Variants in ZBTB41 observed in about 807,000 individuals in gnomAD.
The protein encoded by ZBTB41 is zinc finger and BTB domain-containing protein 41.
Under a neutral mutation model 87.6 loss-of-function variants are expected in ZBTB41, and 42 were observed. The ratio of observed to expected loss-of-function variants is 0.48; its 90% CI spans 0.37 to 0.62. The LOEUF (loss-of-function observed/expected upper bound fraction) is 0.62. Ranked by LOEUF, ZBTB41 falls within the 20% of genes least tolerant of loss-of-function variation. The pLI, the probability that ZBTB41 is intolerant of heterozygous loss-of-function variation, is 0.00. For synonymous variants in ZBTB41, 364 were observed against 364.0 expected (o/e 1.00, Z 0.00); for missense variants, 799 against 1,078.9 (o/e 0.74, Z 3.63).
At chr1:197,168,652 A>G (rs1293005093) in intron 10 of ZBTB41, among the ~76,000 whole-genome samples, 1 of 152,124 alleles carries the variant, frequency 6.6e-6, no homozygotes, top group African/African-American at 2.4e-5. Flanking sequence ...GAAAGTTAAA[A>G]TAAATCTTCT....
chr1:197,197,581 G>GA (rs1289244463), intron 2 of ZBTB41, among the ~76,000 whole-genome samples: 2 of 136,148 alleles, frequency 1.5e-5, no homozygotes, highest in African/African-American at 2.6e-5. Context: ...GGGAGGGAGG[G>GA]AGCGAGGGAG....
chr1:197,172,115 C>T, intron 10 of ZBTB41, 45 bp downstream of exon 10: 1 of 756,700 alleles, frequency 1.3e-6, no homozygotes, highest in Non-Finnish European at 1.9e-6. Context: ...CTATATATAT[C>T]TCTCTCTATA....
chr1:197,176,349 G>C (rs1446455552), intron 8 of ZBTB41, among the ~76,000 whole-genome samples: 2 of 151,748 alleles, frequency 1.3e-5, no homozygotes, highest in African/African-American at 4.8e-5. Flanking sequence ...AGTCACAAAG[G>C]GTTACCAAAT....
In ZBTB41 at chr1:197,171,153, CCAT is replaced by C. The variant is rs1659466580; in HGVS notation, c.2074+1004_2074+1006del. 5.9e-5 allele frequency among the ~76,000 whole-genome samples: 9 copies of C among 152,198 alleles called. No individual in the cohort carries two copies. The South Asian group carries it at 1.9e-3, about 32-fold the overall frequency. ...TTGAAATTAACTTTCTGTAAGTTCA[CCAT>C]CTCTTTCAAGTCATGAGTTCTATTA... is the stretch of plus-strand genomic sequence containing the variant. On this transcript the variant is annotated intron_variant, in intron 10 of 10. Transcript: ENST00000367405.
At chr1:197,181,185 G>C in intron 5 of ZBTB41, 68 bp from the exon 6 acceptor site, 1 of 1,440,816 alleles carries the variant, frequency 6.9e-7, no homozygotes, top group Non-Finnish European at 9.2e-7. Context: ...AATTTAATAG[G>C]TATGCTGTAA....
intron 2 of ZBTB41, among the ~76,000 whole-genome samples, chr1:197,194,264 C>T (rs1660108111): frequency 6.6e-6 from 1 of 152,080 alleles, no homozygotes; most frequent in African/African-American, 2.4e-5. Flanking sequence ...GTGATCCGTC[C>T]ACCTCGGCCT....
Position 197,200,195 on chromosome 1 carries a change from TATG to T in ZBTB41, c.276_278del (p.Ile93del). 6.2e-7 allele frequency: 1 copy of T among 1,613,814 alleles called. No individual in the cohort carries two copies. The highest frequency in any genetic ancestry group is 8.5e-7 in the Non-Finnish European group (1 of 1,179,982). ...GTGCACTAAATTCTTTTCCTTCCAC[TATG>T]ATAAGTAAATCACAAAAAGATGGTT... is the stretch of plus-strand genomic sequence containing the variant. On this transcript the variant is annotated inframe_deletion, in exon 2 of 11. Transcript: ENST00000367405.
In ZBTB41 at chr1:197,154,488, T is replaced by G. The variant is rs1381119033; in HGVS notation, c.*4871A>C. ...CATACACAGCAAGTTGAAACATGAG[T>G]AAACAAAACATAAGCACTCTCTCTA... On this transcript the variant is annotated 3_prime_UTR_variant, in exon 11 of 11. Transcript: ENST00000367405. The G allele has an allele frequency of 6.6e-6, 1 of 152,000 alleles. No homozygotes were observed. The highest frequency in any genetic ancestry group is 1.5e-5 in the Non-Finnish European group (1 of 67,908). 9.4% of individuals were successfully genotyped at this position (152,000 alleles called of 1,614,324 possible). A position where few individuals can be genotyped will look rare whatever the true frequency, so the allele number is the denominator to read the frequency against.
At chr1:197,164,808 T>TATATAATACATATCTA in intron 10 of ZBTB41, among the ~76,000 whole-genome samples, 1 of 45,226 alleles carries the variant, frequency 2.2e-5, no homozygotes, top group African/African-American at 7.0e-5. Flanking sequence ...TAATATATTA[T>TATATAATACATATCTA]ATATATTATA....
intron 9 of ZBTB41, among the ~76,000 whole-genome samples, chr1:197,172,917 AAATG>A (rs983133406): frequency 7.9e-5 from 12 of 152,134 alleles, no homozygotes; most frequent in African/African-American, 2.9e-4. Flanking sequence ...CTAAATTTAA[AAATG>A]AAATATTAGT....
intron 7 of ZBTB41, among the ~76,000 whole-genome samples, chr1:197,177,474 C>T (rs1557980374): frequency 6.6e-6 from 1 of 152,020 alleles, no homozygotes; most frequent in Admixed American, 6.6e-5. Flanking sequence ...TGAAAACAGA[C>T]TAATAGAGCA....
chr1:197,195,883 T>C (rs1660150180), intron 2 of ZBTB41, among the ~76,000 whole-genome samples: 2 of 152,130 alleles, frequency 1.3e-5, no homozygotes, highest in South Asian at 4.1e-4. Context: ...TGCAAAGTAA[T>C]GGAATCAAAT....
rs1659070294 is a variant in ZBTB41, at chr1:197,156,405, ACTG to A, written c.*2951_*2953del. The A allele has an allele frequency of 6.6e-6, 1 of 152,248 alleles. No individual in the cohort carries two copies. The highest frequency in any genetic ancestry group is 6.6e-5 in the Admixed American group (1 of 15,230). 9.4% of individuals were successfully genotyped at this position (152,248 alleles called of 1,614,324 possible). A position where few individuals can be genotyped will look rare whatever the true frequency, so the allele number is the denominator to read the frequency against. ...TATTCAATTTACAGATTAAGTGCTAACTGCTATCTGCTAAAAAATTAATTTAAA... is the reference window on the plus strand; with the variant it reads ...TATTCAATTTACAGATTAAGTGCTAACTATCTGCTAAAAAATTAATTTAAA... On this transcript the variant is annotated 3_prime_UTR_variant, in exon 11 of 11. Transcript: ENST00000367405.
chr1:197,166,374 A>C (rs1659344379), intron 10 of ZBTB41, among the ~76,000 whole-genome samples: 1 of 152,194 alleles, frequency 6.6e-6, no homozygotes. Flanking sequence ...AATGACAAAA[A>C]GGTTATCACT....
Position 197,159,724 on chromosome 1 carries a change from T to C in ZBTB41, c.2365A>G (p.Lys789Glu), listed in dbSNP as rs1659154870. The C allele has an allele frequency of 2.5e-6, 4 of 1,613,944 alleles. No homozygotes were observed. The highest frequency in any genetic ancestry group is 1.3e-5 in the African/African-American group (1 of 74,916). Residue 789 changes from lysine to glutamate, a missense_variant, in exon 11 of 11, where the codon AAA becomes GAA. By Grantham distance (56) the Lys-to-Glu change is moderately conservative. Transcript: ENST00000367405. The part of the protein sequence containing the change: ...TETKQYMDQP[K>E]VYQSEAKTML... ...GTCTTGGCTTCCGACTGATAAACTTTGGGCTGGTCCATATATTGTTTTGTT... is the reference window on the plus strand; with the variant it reads ...GTCTTGGCTTCCGACTGATAAACTTCGGGCTGGTCCATATATTGTTTTGTT...
chr1:197,194,261 G>A (rs192966710), intron 2 of ZBTB41, among the ~76,000 whole-genome samples: 6 of 151,978 alleles, frequency 3.9e-5, no homozygotes, highest in East Asian at 1.9e-4. Flanking sequence ...CAGGTGATCC[G>A]TCCACCTCGG....
Position 197,158,338 on chromosome 1 carries a change from G to A in ZBTB41, c.*1021C>T, listed in dbSNP as rs1024847888. 2 of 152,382 alleles carry A rather than the reference G, an allele frequency of 1.3e-5. No homozygotes were observed. Among genetic ancestry groups the A allele is most frequent in the Non-Finnish European group, 1.5e-5 (1 of 67,890 alleles). The allele number at this position is 152,382 out of a possible 1,614,324, so 9.4% of individuals were successfully genotyped here. On this transcript the variant is annotated 3_prime_UTR_variant, in exon 11 of 11. Coordinates refer to ENST00000367405, the MANE Select transcript of ZBTB41 (RefSeq NM_194314.3). ...GTTCCATTTAATTAAACAATGTTAA[G>A]TTAAATTAGGCACAAATTTCATAAT...
chr1:197,182,538 G>A (rs1181143345), intron 5 of ZBTB41, among the ~76,000 whole-genome samples: 1 of 152,018 alleles, frequency 6.6e-6, no homozygotes. Context: ...GTCTCCCAAA[G>A]TGCTGAGATT....
At chr1:197,185,450 T>C (rs1413850997) in intron 5 of ZBTB41, among the ~76,000 whole-genome samples, 2 of 152,146 alleles carry the variant, frequency 1.3e-5, no homozygotes, top group African/African-American at 4.8e-5. Context: ...CTATAGCGCA[T>C]TCCAAATATA....
Sources: allele counts gnomAD v4.1 joint callset (sites outside exome capture counted in the v4.1 genomes callset), GRCh38; gene constraint gnomAD v4.1.1; transcripts MANE v1.5; gene names NCBI Gene and HGNC (gene_info 2026-07-23, HGNC 2026-07-21).